Variants in AQR observed in about 807,000 individuals in gnomAD.
AQR encodes the protein RNA helicase aquarius.
AQR carries 61 observed loss-of-function variants against 180.5 expected under a neutral mutation model. The observed-to-expected ratio is 0.34, with a 90% CI of 0.28 to 0.42. AQR has a LOEUF of 0.42. Ranked by LOEUF, AQR falls within the 10% of genes least tolerant of loss-of-function variation. AQR has a pLI of 1.00. For missense variants in AQR, 1,281 were observed against 1,798.3 expected, an observed-to-expected ratio of 0.71 and a Z score of 5.20; for synonymous variants, 551 against 588.8, an observed-to-expected ratio of 0.94 and a Z score of 0.93.
At chr15:34,920,473 A>C in intron 13 of AQR, 39 bp from the exon 14 acceptor site, 1 of 1,418,812 alleles carries the variant, frequency 7.0e-7, no homozygotes. Context: ...ATAGTAACTT[A>C]CTTCACTTCA....
At position 34,948,354 on chromosome 15, in the gene AQR, A is replaced by G. The variant is rs1894160650; in HGVS notation, c.240T>C (p.Asn80=). The part of the protein sequence containing the change: ...SQYLENYLWM[N]YSPEVSSKAY... ...CCTTGCTAGATACCTCAGGAGAATA[A>G]TTCATCCAGAGATAATTTTCAAGAT... The change falls in exon 5 of 35, where the codon AAT becomes AAC. Residue 80 remains asparagine (N), a synonymous_variant. Transcript: ENST00000156471. 1.2e-6 allele frequency: 2 copies of G among 1,612,976 alleles called. No individual in the cohort carries two copies.
chr15:34,881,755 G>T (rs1457112747), intron 27 of AQR, among the ~76,000 whole-genome samples: 11 of 152,082 alleles, frequency 7.2e-5, no homozygotes, highest in Admixed American at 6.6e-5. Flanking sequence ...TTTAATATGT[G>T]AATAATCTAA....
intron 32 of AQR, among the ~76,000 whole-genome samples, chr15:34,863,732 G>A (rs1233138535): frequency 6.6e-6 from 1 of 152,134 alleles, no homozygotes; most frequent in Non-Finnish European, 1.5e-5. Context: ...TCTGATGAAT[G>A]ATGTCATTTT....
chr15:34,936,078 G>T (rs1000570008), intron 9 of AQR, among the ~76,000 whole-genome samples: 1 of 152,100 alleles, frequency 6.6e-6, no homozygotes, highest in Non-Finnish European at 1.5e-5. Flanking sequence ...TGGGCATGTT[G>T]CCTAAGGTAG....
intron 3 of AQR, among the ~76,000 whole-genome samples, chr15:34,959,895 C>G (rs886226026): frequency 6.6e-6 from 1 of 152,220 alleles, no homozygotes; most frequent in Non-Finnish European, 1.5e-5. Context: ...AATCCCAGCA[C>G]TTTGGAAGGC....
intron 31 of AQR, 79 bp downstream of exon 31, chr15:34,870,673 G>A (rs78948242): frequency 0.02 from 24,391 of 1,206,104 alleles, 312 homozygotes; most frequent in Middle Eastern, 0.038. Context: ...AGATAGCAAA[G>A]AGGCAAAGCA....
intron 13 of AQR, among the ~76,000 whole-genome samples, chr15:34,921,722 T>C (rs1438077138): frequency 6.6e-6 from 1 of 152,106 alleles, no homozygotes; most frequent in Non-Finnish European, 1.5e-5. Flanking sequence ...CTCCTCTCCA[T>C]CCCAGCCCAG....
intron 4 of AQR, among the ~76,000 whole-genome samples, chr15:34,951,837 C>T (rs184912793): frequency 3.9e-5 from 6 of 152,108 alleles, no homozygotes; most frequent in African/African-American, 7.2e-5. Context: ...AAAGGAGGCA[C>T]GATATGATGG....
At position 34,879,431 on chromosome 15, in the gene AQR, G is replaced by A. The variant is rs376810854; in HGVS notation, c.3165+3071C>T. On this transcript the variant is annotated intron_variant, in intron 27 of 34. Transcript: ENST00000156471. ...ACACATGCCATCCAAGAGGTAGCATGAAGAGAGAACTGCGCATGCTTGAAG... is the reference window on the plus strand; with the variant it reads ...ACACATGCCATCCAAGAGGTAGCATAAAGAGAGAACTGCGCATGCTTGAAG... Among the ~76,000 whole-genome samples, 11 of 152,280 alleles carry A rather than the reference G, an allele frequency of 7.2e-5. No individual in the cohort carries two copies. The South Asian group carries it at 1.2e-3, about 17-fold the overall frequency.
At chr15:34,885,306 G>A (rs10519967) in intron 25 of AQR, among the ~76,000 whole-genome samples, 93,769 of 151,984 alleles carry the variant, frequency 0.62, 31,341 homozygotes, top group South Asian at 0.75. Flanking sequence ...TTAGCTATGC[G>A]TCTACCAGCC....
At chr15:34,874,894 ATACTC>A in intron 28 of AQR, 30 bp from the exon 29 acceptor site, 1 of 1,591,224 alleles carries the variant, frequency 6.3e-7, no homozygotes, top group Non-Finnish European at 8.6e-7. Context: ...AAATGGCAAA[ATACTC>A]TATTATCCTC....
rs879241725 is a variant in AQR, at chr15:34,904,401, C to T, written c.1936G>A (p.Ala646Thr). ...TTAAAAGTTTCATACACATCCTCTG[C>T]TCCATTTTGTATAGTATTGGTCATA... ...QDMTNTIQNG[A>T]EDVYETFNII... The change falls in exon 19 of 35, where the codon GCA becomes ACA. Residue 646 changes from alanine (A) to threonine (T), a missense_variant. Physicochemically the swap from Ala to Thr is moderately conservative, Grantham distance 58. This residue lies in a region of AQR where 200 missense variants were observed against 293.4 expected (regional missense o/e 0.68). Transcript: ENST00000156471. 9.3e-6 allele frequency: 15 copies of T among 1,610,168 alleles called. No homozygotes were observed. In the East Asian group the frequency reaches 1.6e-4, roughly 17 times the overall value.
intron 18 of AQR, among the ~76,000 whole-genome samples, chr15:34,905,649 A>G (rs913832411): frequency 6.6e-6 from 1 of 152,218 alleles, no homozygotes; most frequent in Non-Finnish European, 1.5e-5. Flanking sequence ...TTCCCAATTA[A>G]GAACCACCAC....
chr15:34,946,625 G>A (rs1330348230), intron 5 of AQR, among the ~76,000 whole-genome samples: 2 of 146,152 alleles, frequency 1.4e-5, no homozygotes, highest in African/African-American at 5.1e-5. Context: ...TCCGGGAGGT[G>A]AGGGGCGCCT....
rs1246193823 is a variant in AQR, at chr15:34,946,748, G to A, written c.330+1516C>T. Among the ~76,000 whole-genome samples the A allele has an allele frequency of 4.2e-5, 6 of 143,286 alleles. No individual in the cohort carries two copies. The East Asian group carries it at 1.3e-3, about 31-fold the overall frequency. The allele number at this position is 143,286 out of a possible 152,430, so 94.0% of individuals were successfully genotyped here. A position where few individuals can be genotyped will look rare whatever the true frequency, so the allele number is the denominator to read the frequency against. ...ACCCGGCCAGCCGCCCCGTCCGGGAGGGAGGGAGGTGGGGGGGTCAGCCCC... is the reference window on the plus strand; with the variant it reads ...ACCCGGCCAGCCGCCCCGTCCGGGAAGGAGGGAGGTGGGGGGGTCAGCCCC... On this transcript the variant is annotated intron_variant, in intron 5 of 34. Transcript: ENST00000156471.
At chr15:34,891,022 C>G (rs750023326) in intron 23 of AQR, among the ~76,000 whole-genome samples, 1 of 152,054 alleles carries the variant, frequency 6.6e-6, no homozygotes, top group Admixed American at 6.6e-5. Context: ...AAAAATAAGC[C>G]GCCATTCAAA....
intron 1 of AQR, among the ~76,000 whole-genome samples, chr15:34,967,820 T>G (rs2050318004): frequency 1.3e-5 from 2 of 152,194 alleles, no homozygotes; most frequent in Admixed American, 6.5e-5. Flanking sequence ...TCTTTTTTTT[T>G]GCTTCGTTTT....
intron 25 of AQR, 140 bp downstream of exon 25, chr15:34,886,386 A>T: frequency 1.4e-6 from 1 of 736,550 alleles, no homozygotes; most frequent in Non-Finnish European, 2.0e-6. Context: ...TAACATTCAT[A>T]AATATAGCAC....
intron 30 of AQR, among the ~76,000 whole-genome samples, chr15:34,872,628 A>G (rs1237799482): frequency 1.3e-5 from 2 of 152,154 alleles, no homozygotes; most frequent in African/African-American, 4.8e-5. Context: ...TAATATTTTT[A>G]AAGTTATCAT....
Sources: allele counts gnomAD v4.1 joint callset (sites outside exome capture counted in the v4.1 genomes callset), GRCh38; gene constraint gnomAD v4.1.1; regional missense constraint gnomAD v4.1.1; transcripts MANE v1.5; gene names NCBI Gene and HGNC (gene_info 2026-07-23, HGNC 2026-07-21).